MALRD1: variants seen among roughly 807,000 people sequenced by gnomAD.
The protein encoded by MALRD1 is MAM and LDL receptor class A domain containing 1, also known as MAM and LDL-receptor class A domain-containing protein 1.
In MALRD1, 247 loss-of-function variants were observed where a neutral mutation model predicts 242.1. The observed-to-expected ratio is 1.02, with a 90% CI of 0.92 to 1.13. MALRD1 has a LOEUF of 1.13. Ranked by LOEUF, MALRD1 falls within the 50% of genes most tolerant of loss-of-function variation. The pLI is 0.00. For missense variants in MALRD1, 2,989 were observed against 2,533.1 expected, an observed-to-expected ratio of 1.18 and a Z score of -3.86; for synonymous variants, 995 against 866.6, an observed-to-expected ratio of 1.15 and a Z score of -2.60.
At chr10:19,630,935 G>T (rs1415638167) in intron 36 of MALRD1, among the ~76,000 whole-genome samples, 1 of 152,042 alleles carries the variant, frequency 6.6e-6, no homozygotes, top group Non-Finnish European at 1.5e-5. Flanking sequence ...GAAACATTGT[G>T]ATGTACAAGG....
chr10:19,556,161 A>C (rs1338572210), intron 32 of MALRD1, among the ~76,000 whole-genome samples: 1 of 152,154 alleles, frequency 6.6e-6, no homozygotes, highest in East Asian at 1.9e-4. Context: ...AACTGAGTGG[A>C]AAGAACAAAC....
intron 29 of MALRD1, among the ~76,000 whole-genome samples, chr10:19,459,658 C>T (rs1313507436): frequency 6.6e-6 from 1 of 151,948 alleles, no homozygotes; most frequent in Non-Finnish European, 1.5e-5. Context: ...ACATTGTATT[C>T]AAGTAAACCA....
chr10:19,482,691 A>ACG (rs57696212), intron 29 of MALRD1, among the ~76,000 whole-genome samples: 2 of 148,288 alleles, frequency 1.3e-5, no homozygotes, highest in African/African-American at 5.1e-5. Context: ...ACACACACAC[A>ACG]TACACACAAA....
At chr10:19,673,336 G>A (rs781483385) in intron 36 of MALRD1, among the ~76,000 whole-genome samples, 5 of 152,106 alleles carry the variant, frequency 3.3e-5, no homozygotes, top group African/African-American at 4.8e-5. Flanking sequence ...GCAGTGAGCC[G>A]AGATCGCGCC....
At chr10:19,624,314 A>G (rs5016622) in intron 36 of MALRD1, among the ~76,000 whole-genome samples, 8,615 of 152,234 alleles carry the variant, frequency 0.057, 703 homozygotes, top group African/African-American at 0.19. Flanking sequence ...TGGAATGCAA[A>G]GGAACATAGA....
intron 5 of MALRD1, among the ~76,000 whole-genome samples, chr10:19,115,646 T>TA (rs148339061): frequency 0.062 from 9,490 of 152,138 alleles, 306 homozygotes; most frequent in South Asian, 0.12. Flanking sequence ...CTCTTTACTA[T>TA]AAAAATATAT....
intron 36 of MALRD1, among the ~76,000 whole-genome samples, chr10:19,640,619 C>T (rs1269171859): frequency 6.6e-6 from 1 of 152,096 alleles, no homozygotes; most frequent in Non-Finnish European, 1.5e-5. Context: ...TATGGAGTCT[C>T]CTAGCACTAG....
chr10:19,323,908 G>C, intron 21 of MALRD1, 41 bp from the exon 22 acceptor site: 1 of 1,540,610 alleles, frequency 6.5e-7, no homozygotes, highest in Non-Finnish European at 8.8e-7. Flanking sequence ...ACCGTGCCCG[G>C]CCTCTTATTC....
intron 21 of MALRD1, among the ~76,000 whole-genome samples, chr10:19,300,919 G>T (rs1223610024): frequency 6.6e-6 from 1 of 152,032 alleles, no homozygotes; most frequent in Non-Finnish European, 1.5e-5. Context: ...AGAGTAAACA[G>T]AAAATCTATA....
Position 19,519,578 on chromosome 10 carries a change from G to A in MALRD1, c.5321-11616G>A, listed in dbSNP as rs181766462. 2.1e-3 allele frequency among the ~76,000 whole-genome samples: 320 copies of A among 152,166 alleles called. 1 individual carries two copies. The highest frequency in any genetic ancestry group is 6.8e-3 in the Middle Eastern group (2 of 294). On this transcript the variant is annotated intron_variant, in intron 31 of 39. Coordinates refer to ENST00000454679, the MANE Select transcript of MALRD1 (RefSeq NM_001142308.3). ...GAGCCCAGGAATTTGAGACCAGCCT[G>A]GGAGACATAGTGAGACCCTGTTGCT... is the stretch of plus-strand genomic sequence containing the variant.
Position 19,431,675 on chromosome 10 carries a change from G to C in MALRD1, c.4846-18632G>C, listed in dbSNP as rs7905242. Among the ~76,000 whole-genome samples the C allele has an allele frequency of 3.3e-3, 500 of 152,248 alleles. 7 individuals are homozygous for C. The highest frequency in any genetic ancestry group is 0.024 in the Admixed American group (369 of 15,286). On this transcript the variant is annotated intron_variant, in intron 28 of 39. Coordinates refer to ENST00000454679, the MANE Select transcript of MALRD1 (RefSeq NM_001142308.3). ...CAAGCATCTTGGCTTGGAATTTGTT[G>C]TTCCTTTATACACAGTTGCTGTTTC... is the stretch of plus-strand genomic sequence containing the variant.
chr10:19,253,931 A>C (rs780759309), intron 18 of MALRD1, among the ~76,000 whole-genome samples: 1 of 151,826 alleles, frequency 6.6e-6, no homozygotes, highest in Admixed American at 6.6e-5. Context: ...GGTTTCCCCC[A>C]TACTGTTCTC....
chr10:19,053,758 A>T (rs1473353621), intron 1 of MALRD1, among the ~76,000 whole-genome samples: 1 of 151,924 alleles, frequency 6.6e-6, no homozygotes, highest in Non-Finnish European at 1.5e-5. Context: ...TTCCACACGC[A>T]GTCTTTTTAT....
intron 32 of MALRD1, among the ~76,000 whole-genome samples, chr10:19,542,108 C>A (rs910117809): frequency 6.6e-6 from 1 of 152,086 alleles, no homozygotes; most frequent in Non-Finnish European, 1.5e-5. Flanking sequence ...AATCAAGTCA[C>A]AGTTTTAAGA....
At chr10:19,476,224 T>A (rs1836723174) in intron 29 of MALRD1, among the ~76,000 whole-genome samples, 1 of 152,142 alleles carries the variant, frequency 6.6e-6, no homozygotes, top group South Asian at 2.1e-4. Context: ...GCCCACTAGA[T>A]GCCTGTCCAC....
intron 18 of MALRD1, among the ~76,000 whole-genome samples, chr10:19,227,525 TAGGAAA>T (rs1837850606): frequency 6.6e-6 from 1 of 152,052 alleles, no homozygotes. Flanking sequence ...GCTTACTGAA[TAGGAAA>T]AATTTTTAAT....
At chr10:19,254,773 A>G (rs1385497803) in intron 18 of MALRD1, among the ~76,000 whole-genome samples, 2 of 151,888 alleles carry the variant, frequency 1.3e-5, no homozygotes, top group Non-Finnish European at 2.9e-5. Flanking sequence ...TTTTAATATA[A>G]TGTATCTGAG....
intron 28 of MALRD1, among the ~76,000 whole-genome samples, chr10:19,395,788 T>C (rs1846551245): frequency 1.3e-5 from 2 of 152,188 alleles, no homozygotes; most frequent in Admixed American, 1.3e-4. Flanking sequence ...CCAGGCATAT[T>C]TTTGAATATG....
Position 19,678,691 on chromosome 10 carries a change from T to C in MALRD1, c.6138-13591T>C, listed in dbSNP as rs549761273. Among the ~76,000 whole-genome samples, 15 of 152,330 alleles carry C rather than the reference T, an allele frequency of 9.8e-5. No homozygotes were observed. In the South Asian group the frequency reaches 2.9e-3, roughly 29 times the overall value. On this transcript the variant is annotated intron_variant, in intron 36 of 39. Transcript: ENST00000454679. Reference sequence around the variant, plus strand: ...CCAGAACTTCCAATTCTATGTTGAATAGGAGTGATGAAAGAGGACATCCTT... The same window carrying C: ...CCAGAACTTCCAATTCTATGTTGAACAGGAGTGATGAAAGAGGACATCCTT...
Sources: allele counts gnomAD v4.1 joint callset (sites outside exome capture counted in the v4.1 genomes callset), GRCh38; gene constraint gnomAD v4.1.1; transcripts MANE v1.5; gene names NCBI Gene and HGNC (gene_info 2026-07-23, HGNC 2026-07-21).